ZSWIM8: variants seen among roughly 807,000 people sequenced by gnomAD.
ZSWIM8 encodes the protein zinc finger SWIM-type containing 8.
Under a neutral mutation model 173.7 loss-of-function variants are expected in ZSWIM8, and 27 were observed. The ratio of observed to expected loss-of-function variants is 0.16; its 90% confidence interval spans 0.11 to 0.21. ZSWIM8 has a LOEUF of 0.21. ZSWIM8 is among the 10% of genes least tolerant of loss of function. ZSWIM8 has a pLI of 1.00. For synonymous variants in ZSWIM8, 958 were observed against 962.0 expected, an observed-to-expected ratio of 1.00 and a Z score of 0.08; for missense variants, 1,627 against 2,428.8, an observed-to-expected ratio of 0.67 and a Z score of 6.94.
Position 73,801,474 on chromosome 10 carries a change from G to A in ZSWIM8, c.5460G>A (p.Glu1820=). ...TCAAGCGCAGCAAACAGACCAAGGA[G>A]CTGTGGCAGCGGGTCTCACTCGAGA... ...QNLKRSKQTK[E]LWQRVSLEMA... Residue 1820 remains glutamate, a synonymous_variant, in exon 26 of 26, where the codon GAG becomes GAA. Transcript: ENST00000604729. The surrounding 1 kb of genome is among the most constrained non-coding windows in gnomAD (Gnocchi z 4.9). 1.2e-6 allele frequency: 2 copies of A among 1,613,958 alleles called. No homozygotes were observed. Among genetic ancestry groups the A allele is most frequent in the Non-Finnish European group, 1.7e-6 (2 of 1,179,882 alleles).
At position 73,786,042 on chromosome 10, in the gene ZSWIM8, C is replaced by G; in HGVS notation, c.164C>G (p.Thr55Ser). ...CAGTCAGCGGGGCCCAATTCCCCCACTGGCGGCGGTGGCGGAGGTGGCAGT... is the reference window on the plus strand; with the variant it reads ...CAGTCAGCGGGGCCCAATTCCCCCAGTGGCGGCGGTGGCGGAGGTGGCAGT... ...RKQSAGPNSP[T>S]GGGGGGGSGG... The change falls in exon 1 of 26, where the codon ACT becomes AGT. Residue 55 changes from threonine (T) to serine (S), a missense_variant. This residue lies in a region of ZSWIM8 where 60 missense variants were observed against 93.9 expected (regional missense o/e 0.64). Transcript: ENST00000604729. The G allele has an allele frequency of 6.3e-7, 1 of 1,596,924 alleles. No homozygotes were observed. Among genetic ancestry groups the G allele is most frequent in the Non-Finnish European group, 8.5e-7 (1 of 1,170,796 alleles).
chr10:73,792,329 G>A lies in ZSWIM8; in HGVS notation c.1790G>A (p.Gly597Asp). ...GGTGGGGCTGGCAGTGGGAGCAAGGGCTCAGCAGGTGGCGGAAGCAAGCGA... is the reference window on the plus strand; with the variant it reads ...GGTGGGGCTGGCAGTGGGAGCAAGGACTCAGCAGGTGGCGGAAGCAAGCGA... ...ALGGAGSGSKGSAGGGSKRRL... is the reference protein window; with the variant it reads ...ALGGAGSGSKDSAGGGSKRRL... The change falls in exon 10 of 26, where the codon GGC (glycine) becomes GAC (aspartate). Residue 597 changes from glycine (G) to aspartate (D), a missense_variant. Coordinates refer to ENST00000604729, the MANE Select transcript of ZSWIM8 (RefSeq NM_001367799.1). The surrounding 1 kb of genome is among the most constrained non-coding windows in gnomAD (Gnocchi z 4.3). The A allele has an allele frequency of 1.2e-6, 2 of 1,612,956 alleles. No individual in the cohort carries two copies. Among genetic ancestry groups the A allele is most frequent in the Non-Finnish European group, 8.5e-7 (1 of 1,179,568 alleles).
Position 73,800,617 on chromosome 10 carries a change from GC to G in ZSWIM8, c.5003-20del. On this transcript the variant is annotated intron_variant, in intron 23 of 25. Coordinates refer to ENST00000604729, the MANE Select transcript of ZSWIM8 (RefSeq NM_001367799.1). The surrounding 1 kb of genome is among the most constrained non-coding windows in gnomAD (Gnocchi z 4.1). ...GTGAAGAGGATACACCGTACCATGT[GC>G]CCACCCTTATCTATCTCCCAGGAAT... 1 of 1,609,024 alleles carries G rather than the reference GC, an allele frequency of 6.2e-7. No homozygotes were observed. Among genetic ancestry groups the G allele is most frequent in the Non-Finnish European group, 8.5e-7 (1 of 1,177,282 alleles).
Position 73,791,522 on chromosome 10 carries a change from C to A in ZSWIM8, c.1319+23C>A. The A allele has an allele frequency of 6.4e-7, 1 of 1,570,330 alleles. No homozygotes were observed. Among genetic ancestry groups the A allele is most frequent in the South Asian group, 1.1e-5 (1 of 86,962 alleles). Reference sequence around the variant, plus strand: ...GCGGTGAGTCTCCCCTGAGGCTCACCACAGAACTGAGCCTGGGCCAGCTCA... The same window carrying A: ...GCGGTGAGTCTCCCCTGAGGCTCACAACAGAACTGAGCCTGGGCCAGCTCA... On this transcript the variant is annotated intron_variant, in intron 9 of 25. Coordinates refer to ENST00000604729, the MANE Select transcript of ZSWIM8 (RefSeq NM_001367799.1). This position sits in a 1 kb window ranked among gnomAD's most constrained non-coding sequence, Gnocchi z 6.0.
rs1565073157 is a variant in ZSWIM8 at position 73,791,282 on chromosome 10, TCTGAG to T, written c.1144-39_1144-35del. 2 of 1,582,648 alleles carry T rather than the reference TCTGAG, an allele frequency of 1.3e-6. No homozygotes were observed. Among genetic ancestry groups the T allele is most frequent in the Non-Finnish European group, 1.7e-6 (2 of 1,158,076 alleles). On this transcript the variant is annotated intron_variant, in intron 8 of 25. Coordinates refer to ENST00000604729, the MANE Select transcript of ZSWIM8 (RefSeq NM_001367799.1). This position sits in a 1 kb window ranked among gnomAD's most constrained non-coding sequence, Gnocchi z 6.0. The stretch of plus-strand genomic sequence containing the variant: ...CTCTGGGAGGGCTACTCTGCCTTTC[TCTGAG>T]CTCTCAGGTGCAGCTCACAGCCTTC...
intron 1 of ZSWIM8, among the ~76,000 whole-genome samples, chr10:73,787,117 T>C (rs977751764): frequency 6.6e-6 from 1 of 152,150 alleles, no homozygotes; most frequent in Non-Finnish European, 1.5e-5. Context: ...CTAATTTTTG[T>C]ATTTTTAGTG....
intron 10 of ZSWIM8, among the ~76,000 whole-genome samples, chr10:73,793,358 C>T (rs1323076345): frequency 6.6e-6 from 1 of 152,212 alleles, no homozygotes; most frequent in Non-Finnish European, 1.5e-5. Flanking sequence ...GATACTGTCC[C>T]TGTGCCCCAA....
At chr10:73,794,707 G>C in intron 14 of ZSWIM8, 68 bp downstream of exon 14, 1 of 1,348,346 alleles carries the variant, frequency 7.4e-7, no homozygotes, top group East Asian at 2.5e-5. Context: ...CCTGTGCCTT[G>C]TTGTGAAGGG....
intron 1 of ZSWIM8, 70 bp downstream of exon 1, chr10:73,786,156 C>A: frequency 7.1e-7 from 1 of 1,399,360 alleles, no homozygotes; most frequent in Non-Finnish European, 9.4e-7. Flanking sequence ...TGTCCGGGAC[C>A]AGGAGCTGTC....
At position 73,801,769 on chromosome 10, in the gene ZSWIM8, A is replaced by G. The variant is rs1232493517; in HGVS notation, c.*250A>G. 2.0e-6 allele frequency: 3 copies of G among 1,480,418 alleles called. No homozygotes were observed. Among genetic ancestry groups the G allele is most frequent in the East Asian group, 5.4e-5 (2 of 37,006 alleles). 91.7% of individuals were successfully genotyped at this position (1,480,418 alleles called of 1,614,324 possible). ...TCTGGTATTTATTTGGCATTTATAA[A>G]TATATAAACTCCTTTTTTACTCTAG... On this transcript the variant is annotated 3_prime_UTR_variant, in exon 26 of 26. Coordinates refer to ENST00000604729, the MANE Select transcript of ZSWIM8 (RefSeq NM_001367799.1). The surrounding 1 kb of genome is among the most constrained non-coding windows in gnomAD (Gnocchi z 4.9).
chr10:73,788,673 G>A lies in ZSWIM8; in HGVS notation c.212G>A (p.Gly71Glu). Residue 71 changes from glycine (G) to glutamate (E), a missense_variant, in exon 2 of 26, where the codon GGA becomes GAA. By Grantham distance (98) the Gly-to-Glu change is moderately conservative (BLOSUM62 -2). Coordinates refer to ENST00000604729, the MANE Select transcript of ZSWIM8 (RefSeq NM_001367799.1). ...ATCCCAACCATTGTTTGCAAAGATG[G>A]ACTGGTGATCCCATTGGTGGAGCTG... ...GGSGGTRMRD[G>E]LVIPLVELSA... 1 of 1,613,884 alleles carries A rather than the reference G, an allele frequency of 6.2e-7. No individual in the cohort carries two copies. Among genetic ancestry groups the A allele is most frequent in the East Asian group, 2.2e-5 (1 of 44,890 alleles).
rs768748460 is a variant in ZSWIM8 at position 73,801,505 on chromosome 10, A to G, written c.5491A>G (p.Thr1831Ala). Reference protein sequence around the residue: ...LWQRVSLEMATFSP With the variant: ...LWQRVSLEMAAFSP ...GCAGCGGGTCTCACTCGAGATGGCC[A>G]CCTTCTCCCCCTGAGTCTTTCACCC... The change falls in exon 26 of 26, where the codon ACC becomes GCC. Residue 1831 changes from threonine to alanine, a missense_variant. Coordinates refer to ENST00000604729, the MANE Select transcript of ZSWIM8 (RefSeq NM_001367799.1). The surrounding 1 kb of genome is among the most constrained non-coding windows in gnomAD (Gnocchi z 4.9). 10 of 1,613,854 alleles carry G rather than the reference A, an allele frequency of 6.2e-6. No homozygotes were observed. In the South Asian group the frequency reaches 9.9e-5, roughly 16 times the overall value.
In ZSWIM8 at chr10:73,792,829, C is replaced by G; in HGVS notation, c.2290C>G (p.Leu764Val). The G allele has an allele frequency of 6.3e-7, 1 of 1,584,946 alleles. No individual in the cohort carries two copies. The change falls in exon 10 of 26, where the codon CTG (leucine) becomes GTG (valine). Residue 764 changes from leucine (L) to valine (V), a missense_variant. This residue lies in a region of ZSWIM8 where 383 missense variants were observed against 394.8 expected (regional missense o/e 0.97). Transcript: ENST00000604729. This position sits in a 1 kb window ranked among gnomAD's most constrained non-coding sequence, Gnocchi z 4.3. Reference protein sequence around the residue: ...EHDLFAGLKPLEQESRMEVLF... With the variant: ...EHDLFAGLKPVEQESRMEVLF... ...CGACCTGTTTGCTGGGCTGAAGCCA[C>G]TGGAACAGGAGAGTCGCATGGAGGT...
In ZSWIM8 at chr10:73,795,564, A is replaced by C. The variant is rs1478426484; in HGVS notation, c.2934A>C (p.Ala978=). The C allele has an allele frequency of 1.2e-6, 2 of 1,613,892 alleles. 1 individual carries two copies. Among genetic ancestry groups the C allele is most frequent in the African/African-American group, 2.7e-5 (2 of 74,938 alleles). Residue 978 remains alanine (A), a synonymous_variant, in exon 15 of 26, where the codon GCA becomes GCC. Coordinates refer to ENST00000604729, the MANE Select transcript of ZSWIM8 (RefSeq NM_001367799.1). ...ALGMKTTVSE[A]EHPLLCEGTR... ...GCATGAAGACAACAGTGAGCGAGGCAGAACATCCCCTCTTATGTGAAGGCA... is the reference window on the plus strand; with the variant it reads ...GCATGAAGACAACAGTGAGCGAGGCCGAACATCCCCTCTTATGTGAAGGCA...
rs1202031454 is a variant in ZSWIM8 at position 73,799,452 on chromosome 10, C to T, written c.4627C>T (p.Pro1543Ser). 1.2e-6 allele frequency: 2 copies of T among 1,601,960 alleles called. No homozygotes were observed. The highest frequency in any genetic ancestry group is 1.7e-6 in the Non-Finnish European group (2 of 1,174,252). The change falls in exon 21 of 26, where the codon CCT becomes TCT. Residue 1543 changes from proline (P) to serine (S), a missense_variant. Coordinates refer to ENST00000604729, the MANE Select transcript of ZSWIM8 (RefSeq NM_001367799.1). ...CCACCCCATGCCTCACATGCCCCGG[C>T]CTGCCGTCTTCCCTGTGCCCAGCTC... ...PAHPMPHMPR[P>S]AVFPVPSSAY...
Position 73,785,762 on chromosome 10 carries a change from C to T in ZSWIM8, c.-117C>T, listed in dbSNP as rs941072055. The T allele has an allele frequency of 2.1e-4, 245 of 1,166,690 alleles. 1 individual carries two copies. The Admixed American group carries it at 5.4e-3, about 26-fold the overall frequency. 72.3% of individuals were successfully genotyped at this position (1,166,690 alleles called of 1,614,324 possible). ...GCCCGGCACGGCCGCCCTGAGCGCC[C>T]CGGCCACCCCCAGCCCCGGCTCGCC... On this transcript the variant is annotated 5_prime_UTR_variant, in exon 1 of 26. Coordinates refer to ENST00000604729, the MANE Select transcript of ZSWIM8 (RefSeq NM_001367799.1).
chr10:73,794,369 T>C (rs1424875561), intron 13 of ZSWIM8, 39 bp downstream of exon 13: 2 of 1,602,266 alleles, frequency 1.2e-6, no homozygotes, highest in Non-Finnish European at 1.7e-6. Flanking sequence ...GGAACTGGGG[T>C]AGGGGTAGCT....
chr10:73,792,452 G>C lies in ZSWIM8; in HGVS notation c.1913G>C (p.Gly638Ala). 6.2e-7 allele frequency: 1 copy of C among 1,607,698 alleles called. No individual in the cohort carries two copies. Among genetic ancestry groups the C allele is most frequent in the Non-Finnish European group, 8.5e-7 (1 of 1,176,964 alleles). ...CTGGGCGCAGAGGCCAGCACCTTCG[G>C]GGGATTCCCTGAGAGCCCTCCACCC... ...LALGAEASTF[G>A]GFPESPPPCP... The change falls in exon 10 of 26, where the codon GGG becomes GCG. Residue 638 changes from glycine (G) to alanine (A), a missense_variant. Around this residue, in one of 18 missense-constraint regions of ZSWIM8, gnomAD observed 383 missense variants for 394.8 expected, o/e 0.97. Transcript: ENST00000604729. This position sits in a 1 kb window ranked among gnomAD's most constrained non-coding sequence, Gnocchi z 4.3.
rs376312320 is a variant in ZSWIM8 at position 73,790,057 on chromosome 10, T to C, written c.820+20T>C. The C allele has an allele frequency of 9.3e-6, 15 of 1,609,902 alleles. No individual in the cohort carries two copies. Among genetic ancestry groups the C allele is most frequent in the African/African-American group, 8.0e-5 (6 of 74,626 alleles). ...CTCCGGGTGAGTGTGGTGAGAAAGA[T>C]TGGCAGTAGGAAGAAAGCCAGCTTG... On this transcript the variant is annotated intron_variant, in intron 6 of 25. Coordinates refer to ENST00000604729, the MANE Select transcript of ZSWIM8 (RefSeq NM_001367799.1).
Sources: gnomAD v4.1 joint callset for allele counts (sites outside exome capture counted in the v4.1 genomes callset) on GRCh38, gnomAD v4.1.1 for gene constraint, gnomAD v4.1.1 regional missense constraint, Gnocchi (gnomAD v3.1) non-coding constraint, MANE v1.5 for transcripts, NCBI Gene and HGNC (gene_info 2026-07-23, HGNC 2026-07-21) for gene names.